CDC42SE2: variants seen among roughly 807,000 people sequenced by gnomAD.
CDC42SE2 encodes CDC42 small effector protein 2.
In CDC42SE2, 3 loss-of-function variants were observed where a neutral mutation model predicts 11.5. That is an observed-to-expected ratio of 0.26 (90% CI 0.12 to 0.67). The LOEUF is 0.67. Among genes scored for constraint, CDC42SE2 ranks in the 30% least tolerant of loss-of-function variants. The pLI is 0.80. For synonymous variants in CDC42SE2, 33 were observed against 34.8 expected, an observed-to-expected ratio of 0.95 and a Z score of 0.18; for missense variants, 82 against 106.8, an observed-to-expected ratio of 0.77 and a Z score of 1.02.
chr5:131,392,225 C>T lies in CDC42SE2; in HGVS notation c.*1134C>T, dbSNP rs144104106. The stretch of plus-strand genomic sequence containing the variant: ...GATTTTATTGGAAAGCAAGGACCTG[C>T]TATTATTTGTTAATTTGCCATCATT... On this transcript the variant is annotated 3_prime_UTR_variant, in exon 5 of 5. Transcript: ENST00000505065. The T allele has an allele frequency of 9.3e-4, 142 of 152,672 alleles. No individual in the cohort carries two copies. Among genetic ancestry groups the T allele is most frequent in the South Asian group, 1.5e-3 (7 of 4,820 alleles). 9.5% of individuals were successfully genotyped at this position (152,672 alleles called of 1,614,324 possible). A position where few individuals can be genotyped will look rare whatever the true frequency, so the allele number is the denominator to read the frequency against.
the CDC42SE2 span, among the ~76,000 whole-genome samples, chr5:131,227,754 A>G: frequency 1.3e-5 from 2 of 151,630 alleles, no homozygotes; most frequent in Non-Finnish European, 2.9e-5. Flanking sequence ...AGTTTAAAAA[A>G]GGAAATTTGG....
At chr5:131,225,625 G>A in the CDC42SE2 span, among the ~76,000 whole-genome samples, 1 of 152,188 alleles carries the variant, frequency 6.6e-6, no homozygotes, top group Non-Finnish European at 1.5e-5. Flanking sequence ...GTTCCGCCAA[G>A]GCTCCTTTGC....
intron 1 of CDC42SE2, among the ~76,000 whole-genome samples, chr5:131,281,244 A>G (rs1757233188): frequency 6.6e-6 from 1 of 152,004 alleles, no homozygotes; most frequent in Non-Finnish European, 1.5e-5. Flanking sequence ...TTTTCTCTTC[A>G]GTAGCTTTTT....
intron 1 of CDC42SE2, among the ~76,000 whole-genome samples, chr5:131,315,013 G>T (rs536430272): frequency 6.6e-6 from 1 of 152,260 alleles, no homozygotes; most frequent in East Asian, 1.9e-4. Context: ...GGAAGAGCCA[G>T]TTGCCTTGGT....
At chr5:131,241,455 T>C (rs989670655), upstream of CDC42SE2, among the ~76,000 whole-genome samples, 21 of 152,168 alleles carry the variant, frequency 1.4e-4, no homozygotes, top group African/African-American at 5.1e-4. Flanking sequence ...TTAATTATCA[T>C]CACTATTTCT....
At chr5:131,373,081 A>G (rs570047041) in intron 3 of CDC42SE2, among the ~76,000 whole-genome samples, 85 of 152,316 alleles carry the variant, frequency 5.6e-4, no homozygotes, top group Non-Finnish European at 1.0e-3. Context: ...CTTACCAGCA[A>G]TATTTTGTTC....
chr5:131,379,736 G>A (rs899218829), intron 3 of CDC42SE2, among the ~76,000 whole-genome samples: 5 of 152,162 alleles, frequency 3.3e-5, no homozygotes, highest in African/African-American at 1.2e-4. Flanking sequence ...TTTTAAGGAT[G>A]CAAGGATTAT....
intron 1 of CDC42SE2, among the ~76,000 whole-genome samples, chr5:131,282,635 AT>A (rs1757259605): frequency 6.6e-6 from 1 of 151,954 alleles, no homozygotes; most frequent in Non-Finnish European, 1.5e-5. Context: ...CCTTTTTAAA[AT>A]TATTATTATT....
upstream of CDC42SE2, among the ~76,000 whole-genome samples, chr5:131,240,526 C>T (rs141492070): frequency 1.3e-5 from 2 of 152,162 alleles, no homozygotes; most frequent in Admixed American, 6.5e-5. Context: ...AAAACACAAA[C>T]GCGTCGGGGT....
chr5:131,239,500 T>C, the CDC42SE2 span, among the ~76,000 whole-genome samples: 1 of 152,192 alleles, frequency 6.6e-6, no homozygotes, highest in Non-Finnish European at 1.5e-5. Flanking sequence ...TCCTCCTGTT[T>C]ATTGTGTTTG....
chr5:131,356,642 A>C (rs531887370), intron 2 of CDC42SE2, among the ~76,000 whole-genome samples: 1 of 152,326 alleles, frequency 6.6e-6, no homozygotes, highest in East Asian at 1.9e-4. Flanking sequence ...ACTTTAGGCC[A>C]GGTGCGGTGG....
chr5:131,354,853 T>G (rs1035771243), intron 2 of CDC42SE2: 5 of 152,138 alleles, frequency 3.3e-5, no homozygotes, highest in African/African-American at 1.2e-4. Flanking sequence ...TAAATTAAAT[T>G]AAATTGTTTT....
chr5:131,270,252 G>T (rs943699908), intron 1 of CDC42SE2, among the ~76,000 whole-genome samples: 3 of 151,898 alleles, frequency 2.0e-5, no homozygotes, highest in Non-Finnish European at 4.4e-5. Context: ...GCAGGCACCT[G>T]TAGTCCCAGA....
intron 2 of CDC42SE2, among the ~76,000 whole-genome samples, chr5:131,324,361 G>T (rs563243988): frequency 6.6e-6 from 1 of 152,308 alleles, no homozygotes; most frequent in African/African-American, 2.4e-5. Flanking sequence ...TGACTTGGTA[G>T]AGAAGGGCAC....
the CDC42SE2 span, among the ~76,000 whole-genome samples, chr5:131,219,660 G>A: frequency 2.0e-5 from 3 of 152,152 alleles, no homozygotes; most frequent in Non-Finnish European, 4.4e-5. Flanking sequence ...AAAGAGGCGA[G>A]GCATGGTGGC....
intron 2 of CDC42SE2, among the ~76,000 whole-genome samples, chr5:131,343,351 G>A (rs1758758702): frequency 6.6e-6 from 1 of 152,178 alleles, no homozygotes; most frequent in Non-Finnish European, 1.5e-5. Flanking sequence ...AACCTGCTGT[G>A]TTTGTGTCAC....
intron 2 of CDC42SE2, among the ~76,000 whole-genome samples, chr5:131,346,981 G>A (rs1379144776): frequency 6.6e-6 from 1 of 151,390 alleles, no homozygotes; most frequent in East Asian, 1.9e-4. Flanking sequence ...ACAAATCTCC[G>A]GGACACATTT....
At chr5:131,218,174 C>CA in the CDC42SE2 span, among the ~76,000 whole-genome samples, 2,018 of 74,302 alleles carry the variant, frequency 0.027, 55 homozygotes, top group Admixed American at 0.066. Flanking sequence ...GACCCTGTCT[C>CA]AAAAAAAAAA....
At chr5:131,341,318 A>G (rs1363452430) in intron 2 of CDC42SE2, among the ~76,000 whole-genome samples, 2 of 152,180 alleles carry the variant, frequency 1.3e-5, no homozygotes, top group African/African-American at 4.8e-5. Flanking sequence ...ATCACACACA[A>G]AGGAAGGAAA....
Sources: allele counts gnomAD v4.1 joint callset (sites outside exome capture counted in the v4.1 genomes callset), GRCh38; gene constraint gnomAD v4.1.1; transcripts MANE v1.5; gene names NCBI Gene and HGNC (gene_info 2026-07-23, HGNC 2026-07-21).